The following APP variants were observed in gnomAD, a reference collection of about 807,000 sequenced individuals.
APP encodes the protein amyloid beta precursor protein.
Under a neutral mutation model 101.4 loss-of-function variants are expected in APP, and 31 were observed. The observed-to-expected ratio is 0.31, with a 90% CI of 0.23 to 0.41. APP has a LOEUF of 0.41. Ranked by LOEUF, APP falls within the 10% of genes least tolerant of loss-of-function variation. The pLI is 1.00. For missense variants in APP, 839 were observed against 1,003.7 expected (o/e 0.84, Z 2.22); for synonymous variants, 366 against 364.4 (o/e 1.00, Z -0.05).
chr21:26,077,167 C>T (rs767344904), intron 3 of APP, among the ~76,000 whole-genome samples: 5 of 152,158 alleles, frequency 3.3e-5, no homozygotes, highest in Admixed American at 6.5e-5. Flanking sequence ...ATATAGGCCT[C>T]CTTGATCGAT....
At chr21:26,022,122 A>G (rs1250793991) in intron 5 of APP, 80 bp from the exon 6 acceptor site, 5 of 1,523,556 alleles carry the variant, frequency 3.3e-6, no homozygotes, top group African/African-American at 2.7e-5. Flanking sequence ...TCCATATGGA[A>G]TTTTGGCAAT....
intron 11 of APP, among the ~76,000 whole-genome samples, chr21:25,963,179 C>G (rs930215057): frequency 2.0e-5 from 3 of 152,090 alleles, no homozygotes; most frequent in African/African-American, 7.2e-5. Context: ...TTCTTTTATA[C>G]GATTTCTCAA....
chr21:25,986,120 G>A (rs563126105), intron 8 of APP, among the ~76,000 whole-genome samples: 11 of 152,214 alleles, frequency 7.2e-5, no homozygotes, highest in African/African-American at 2.6e-4. Context: ...TCCACAGAAG[G>A]CCAGAGACAC....
At chr21:26,090,563 A>AT (rs2061801805) in intron 2 of APP, among the ~76,000 whole-genome samples, 1 of 152,116 alleles carries the variant, frequency 6.6e-6, no homozygotes, top group African/African-American at 2.4e-5. Context: ...TTAAAATATT[A>AT]TTTTTCCAGG....
chr21:25,885,763 CTT>C (rs1484542455), intron 17 of APP, among the ~76,000 whole-genome samples: 3 of 152,180 alleles, frequency 2.0e-5, no homozygotes, highest in Admixed American at 6.5e-5. Context: ...GTTTGACACT[CTT>C]TGGCTAACCT....
At chr21:26,040,889 A>C (rs1411987716) in intron 5 of APP, among the ~76,000 whole-genome samples, 1 of 152,238 alleles carries the variant, frequency 6.6e-6, no homozygotes, top group East Asian at 1.9e-4. Context: ...GCTTTGGCTA[A>C]GTGGCATTAG....
At position 25,880,551 on chromosome 21, in the gene APP, G is replaced by C. The variant is rs1485162032; in HGVS notation, c.*1119C>G. ...GAATCATTCACACCAGCACAATGGT[G>C]CTCCTCCAAGAATGTATTTATTTAC... On this transcript the variant is annotated 3_prime_UTR_variant, in exon 18 of 18. Transcript: ENST00000346798. 6.6e-6 allele frequency: 1 copy of C among 152,162 alleles called. No individual in the cohort carries two copies. Among genetic ancestry groups the C allele is most frequent in the Non-Finnish European group, 1.5e-5 (1 of 68,022 alleles). 9.4% of individuals were successfully genotyped at this position (152,162 alleles called of 1,614,324 possible). A position where few individuals can be genotyped will look rare whatever the true frequency, so the allele number is the denominator to read the frequency against.
chr21:26,098,564 C>G (rs924422102), intron 2 of APP, among the ~76,000 whole-genome samples: 1 of 152,158 alleles, frequency 6.6e-6, no homozygotes, highest in African/African-American at 2.4e-5. Context: ...AACAGGCCAC[C>G]TAAGACAGGT....
At position 25,975,124 on chromosome 21, in the gene APP, G is replaced by A. The variant is rs756328684; in HGVS notation, c.1404C>T (p.Arg468=). 8 of 1,614,040 alleles carry A rather than the reference G, an allele frequency of 5.0e-6. No individual in the cohort carries two copies. Among genetic ancestry groups the A allele is most frequent in the Non-Finnish European group, 5.1e-6 (6 of 1,179,996 alleles). The stretch of plus-strand genomic sequence containing the variant: ...TGTAGTTCTCCAGGGCCAGGCGGCG[G>A]CGGTCATTGAGCATGGCTTCCACTC... ...MARVEAMLND[R]RRLALENYIT... The change falls in exon 11 of 18, where the codon CGC becomes CGT. Residue 468 remains arginine, a synonymous_variant. Transcript: ENST00000346798.
chr21:26,112,118 A>G lies in APP; in HGVS notation c.86T>C (p.Leu29Pro). Residue 29 changes from leucine to proline, a missense_variant, in exon 2 of 18, where the codon CTG becomes CCG. Transcript: ENST00000346798. Reference protein sequence around the residue: ...EVPTDGNAGLLAEPQIAMFCG... With the variant: ...EVPTDGNAGLPAEPQIAMFCG... ...GAACATGGCAATCTGGGGTTCAGCC[A>G]GCAGGCCAGCATTACCATCAGTGGG... 1 of 1,614,142 alleles carries G rather than the reference A, an allele frequency of 6.2e-7. No homozygotes were observed. Among genetic ancestry groups the G allele is most frequent in the Non-Finnish European group, 8.5e-7 (1 of 1,180,002 alleles).
intron 5 of APP, among the ~76,000 whole-genome samples, chr21:26,030,845 G>A (rs1420082561): frequency 6.6e-6 from 1 of 152,160 alleles, no homozygotes; most frequent in Admixed American, 6.5e-5. Flanking sequence ...TATTTTGGGT[G>A]GAGAGTTGGA....
chr21:26,000,716 A>G (rs551805773), intron 6 of APP, among the ~76,000 whole-genome samples: 16 of 152,312 alleles, frequency 1.1e-4, no homozygotes, highest in African/African-American at 3.6e-4. Context: ...ATCTGGAAAC[A>G]CATGTCATAT....
At chr21:25,888,038 T>C (rs903927334) in intron 17 of APP, among the ~76,000 whole-genome samples, 1 of 152,180 alleles carries the variant, frequency 6.6e-6, no homozygotes, top group Non-Finnish European at 1.5e-5. Context: ...AAAAATCTCC[T>C]GGAAACCAAA....
intron 17 of APP, among the ~76,000 whole-genome samples, chr21:25,886,935 A>G (rs2037365556): frequency 6.6e-6 from 1 of 152,142 alleles, no homozygotes; most frequent in African/African-American, 2.4e-5. Flanking sequence ...CACCAGTGTG[A>G]CAGCATATTA....
At chr21:26,002,926 CA>C (rs1199524125) in intron 6 of APP, among the ~76,000 whole-genome samples, 1 of 152,048 alleles carries the variant, frequency 6.6e-6, no homozygotes, top group Non-Finnish European at 1.5e-5. Context: ...TGGATGGGTG[CA>C]AGTCAAGTAA....
At chr21:25,945,379 A>ATTTTTTTTTTTT (rs1213400314) in intron 13 of APP, 2 of 18,132 alleles carry the variant, frequency 1.1e-4, no homozygotes, top group African/African-American at 2.9e-4. Flanking sequence ...TGCAATCCGC[A>ATTTTTTTTTTTT]CTTTTTTTTT....
chr21:25,987,467 G>A (rs1172857637), intron 8 of APP, among the ~76,000 whole-genome samples: 1 of 152,194 alleles, frequency 6.6e-6, no homozygotes, highest in Non-Finnish European at 1.5e-5. Context: ...AATGACCTTT[G>A]TATTTTAGTC....
At chr21:26,019,045 T>C (rs1359956262) in intron 6 of APP, among the ~76,000 whole-genome samples, 1 of 152,240 alleles carries the variant, frequency 6.6e-6, no homozygotes, top group Non-Finnish European at 1.5e-5. Context: ...AATATGGGCC[T>C]AAGTTTATGT....
intron 3 of APP, among the ~76,000 whole-genome samples, chr21:26,057,367 A>T (rs546224984): frequency 6.6e-6 from 1 of 152,334 alleles, no homozygotes; most frequent in African/African-American, 2.4e-5. Flanking sequence ...ATTTATTTCA[A>T]GTGGATAAAT....
Sources: allele counts gnomAD v4.1 joint callset (sites outside exome capture counted in the v4.1 genomes callset), GRCh38; gene constraint gnomAD v4.1.1; transcripts MANE v1.5; gene names NCBI Gene and HGNC (gene_info 2026-07-23, HGNC 2026-07-21).